The following SYT3 variants were observed in gnomAD, a reference collection of about 807,000 sequenced individuals.
The protein encoded by SYT3 is synaptotagmin 3, also known as synaptotagmin-3.
SYT3 carries 25 observed loss-of-function variants against 50.6 expected under a neutral mutation model. The observed-to-expected ratio is 0.49, with a 90% CI of 0.36 to 0.69. The LOEUF (loss-of-function observed/expected upper bound fraction) is 0.69, where lower values mean the gene tolerates loss of function less well. SYT3 is among the 30% of genes least tolerant of loss of function. SYT3 has a pLI of 0.00. For synonymous variants in SYT3, 323 were observed against 353.9 expected (o/e 0.91, Z 0.98); for missense variants, 589 against 793.6 (o/e 0.74, Z 3.10).
At chr19:50,623,754 G>T (rs941442799) in intron 9 of SYT3, among the ~76,000 whole-genome samples, 3 of 151,232 alleles carry the variant, frequency 2.0e-5, no homozygotes. Context: ...AGTGAGCCAA[G>T]ACTGCAACAC....
chr19:50,645,989 A>G, the SYT3 span, among the ~76,000 whole-genome samples: 2 of 152,172 alleles, frequency 1.3e-5, no homozygotes, highest in Non-Finnish European at 2.9e-5. Context: ...CACAGAGAGC[A>G]AATGGAGGCA....
chr19:50,651,202 T>C, the SYT3 span, among the ~76,000 whole-genome samples: 5 of 152,182 alleles, frequency 3.3e-5, no homozygotes, highest in African/African-American at 1.2e-4. Context: ...TAGCCTCCAA[T>C]GGCAATAAGC....
intron 6 of SYT3, 57 bp downstream of exon 6, chr19:50,629,237 A>C: frequency 7.0e-7 from 1 of 1,435,378 alleles, no homozygotes; most frequent in South Asian, 1.4e-5. Flanking sequence ...GGGGGCTTGC[A>C]ACCCGGGGGG....
the SYT3 span, chr19:50,656,336 T>A: frequency 1.3e-6 from 2 of 1,535,660 alleles, no homozygotes; most frequent in Non-Finnish European, 1.7e-6. Flanking sequence ...TGCCTCTGCA[T>A]GGAGACCTTG....
Position 50,634,572 on chromosome 19 carries a change from C to CTTTTTT in SYT3, c.149-1767_149-1762dup, listed in dbSNP as rs3028785. ...TCCTTCCCCCCTCCCTCTTGGGGTG[C>CTTTTTT]TTTTTTTTTTTTTTTTTTTTTTTTT... On this transcript the variant is annotated intron_variant, in intron 3 of 10. Transcript: ENST00000600079. 4.6e-4 allele frequency among the ~76,000 whole-genome samples: 34 copies of CTTTTTT among 74,238 alleles called. 2 individuals carry two copies. Among genetic ancestry groups the CTTTTTT allele is most frequent in the South Asian group, 5.7e-4 (1 of 1,748 alleles). The allele number at this position is 74,238 out of a possible 152,430, so 48.7% of individuals were successfully genotyped here. A position where few individuals can be genotyped will look rare whatever the true frequency, so the allele number is the denominator to read the frequency against.
intron 4 of SYT3, among the ~76,000 whole-genome samples, chr19:50,630,898 T>C (rs1271129063): frequency 6.6e-6 from 1 of 152,150 alleles, no homozygotes; most frequent in Non-Finnish European, 1.5e-5. Flanking sequence ...CTCTCCTCTC[T>C]ATCCCCACTG....
chr19:50,630,295 C>T (rs1345694304), intron 4 of SYT3, 124 bp from the exon 5 acceptor site: 10 of 984,806 alleles, frequency 1.0e-5, no homozygotes, highest in Admixed American at 9.1e-5. Context: ...CACAAGTCCC[C>T]TCCTTTGCTC....
chr19:50,625,140 T>C lies in SYT3; in HGVS notation c.1707+22A>G, dbSNP rs770338286. The C allele has an allele frequency of 1.3e-6, 2 of 1,537,588 alleles. No homozygotes were observed. The highest frequency in any genetic ancestry group is 4.6e-5 in the East Asian group (2 of 43,560). On this transcript the variant is annotated intron_variant, in intron 9 of 10. Coordinates refer to ENST00000600079, the MANE Select transcript of SYT3 (RefSeq NM_001160329.2). This position sits in a 1 kb window ranked among gnomAD's most constrained non-coding sequence, Gnocchi z 7.5. The stretch of plus-strand genomic sequence containing the variant: ...AGGGTGCACGGGTGCTTGTCAGGGG[T>C]CGGTGTGGGACCCCTACTCACCTCC...
At position 50,625,628 on chromosome 19, in the gene SYT3, C is replaced by T; in HGVS notation, c.1403-64G>A. ...CCTCAGACCTAGGGGTCCAGGACCC[C>T]AGGCCCCGAGCCCCTCCTCCCTCAG... On this transcript the variant is annotated intron_variant, in intron 7 of 10. Coordinates refer to ENST00000600079, the MANE Select transcript of SYT3 (RefSeq NM_001160329.2). The surrounding 1 kb of genome is among the most constrained non-coding windows in gnomAD (Gnocchi z 7.5). The T allele has an allele frequency of 6.7e-7, 1 of 1,494,628 alleles. No homozygotes were observed. The highest frequency in any genetic ancestry group is 8.9e-7 in the Non-Finnish European group (1 of 1,124,158). The allele number at this position is 1,494,628 out of a possible 1,614,324, so 92.6% of individuals were successfully genotyped here.
At chr19:50,647,445 G>A in the SYT3 span, among the ~76,000 whole-genome samples, 1 of 152,160 alleles carries the variant, frequency 6.6e-6, no homozygotes. Flanking sequence ...CAGCACTTTG[G>A]GAGGCTGAGG....
At chr19:50,650,603 A>G in the SYT3 span, among the ~76,000 whole-genome samples, 19 of 152,148 alleles carry the variant, frequency 1.2e-4, no homozygotes, top group Non-Finnish European at 2.1e-4. Context: ...CCCAGGAGGC[A>G]GAGGCTGCAG....
chr19:50,655,964 TG>T, the SYT3 span: 1 of 1,300,302 alleles, frequency 7.7e-7, no homozygotes, highest in Non-Finnish European at 1.1e-6. Context: ...GGGTGTGGCA[TG>T]GGCAAGCAAT....
chr19:50,625,681 C>A lies in SYT3; in HGVS notation c.1403-117G>T. The A allele has an allele frequency of 2.1e-6, 3 of 1,406,656 alleles. No homozygotes were observed. Among genetic ancestry groups the A allele is most frequent in the South Asian group, 1.4e-5 (1 of 69,024 alleles). The allele number at this position is 1,406,656 out of a possible 1,614,324, so 87.1% of individuals were successfully genotyped here. A position where few individuals can be genotyped will look rare whatever the true frequency, so the allele number is the denominator to read the frequency against. On this transcript the variant is annotated intron_variant, in intron 7 of 10. Transcript: ENST00000600079. This position sits in a 1 kb window ranked among gnomAD's most constrained non-coding sequence, Gnocchi z 7.5. The stretch of plus-strand genomic sequence containing the variant: ...CCAGAGGTCCGGGGCCCCAGGCCCC[C>A]AGTCCCTCCTTCCTCAGGCCCAAGA...
At position 50,639,442 on chromosome 19, in the gene SYT3, G is replaced by T. The variant is rs899750990; in HGVS notation, c.-153-280C>A. On this transcript the variant is annotated intron_variant, in intron 1 of 10. Transcript: ENST00000600079. The surrounding 1 kb of genome is among the most constrained non-coding windows in gnomAD (Gnocchi z 4.6). ...TTTTTTTTTTTTTTTTAAGGTTTTGGGGGGTTAAGATGCTGGGGTCCCAAG... is the reference window on the plus strand; with the variant it reads ...TTTTTTTTTTTTTTTTAAGGTTTTGTGGGGTTAAGATGCTGGGGTCCCAAG... 1.3e-5 allele frequency: 2 copies of T among 151,644 alleles called. No individual in the cohort carries two copies. Among genetic ancestry groups the T allele is most frequent in the African/African-American group, 4.8e-5 (2 of 41,272 alleles). The allele number at this position is 151,644 out of a possible 1,614,324, so 9.4% of individuals were successfully genotyped here. A position where few individuals can be genotyped will look rare whatever the true frequency, so the allele number is the denominator to read the frequency against.
At chr19:50,656,594 A>G in the SYT3 span, among the ~76,000 whole-genome samples, 1 of 152,068 alleles carries the variant, frequency 6.6e-6, no homozygotes, top group Admixed American at 6.6e-5. Context: ...GCAGGGAGGG[A>G]GGACAAAAGG....
At chr19:50,623,052 C>T (rs1431323170) in intron 9 of SYT3, among the ~76,000 whole-genome samples, 1 of 144,594 alleles carries the variant, frequency 6.9e-6, no homozygotes, top group African/African-American at 2.6e-5. Flanking sequence ...TGGGGAGCCA[C>T]GGGAGGGCTG....
chr19:50,641,168 A>ATT (rs566141853), upstream of SYT3, among the ~76,000 whole-genome samples: 33 of 60,240 alleles, frequency 5.5e-4, no homozygotes, highest in African/African-American at 1.0e-3. Flanking sequence ...GAGCCCAGGA[A>ATT]TTTTTTTTTT....
chr19:50,633,340 ATTTG>A (rs1157215310), intron 3 of SYT3, among the ~76,000 whole-genome samples: 6 of 152,178 alleles, frequency 3.9e-5, no homozygotes, highest in Non-Finnish European at 7.3e-5. Context: ...AGATTCAGTG[ATTTG>A]TTTAAGGTTT....
In SYT3 at chr19:50,635,014, C is replaced by T. The variant is rs563873132; in HGVS notation, c.149-2203G>A. On this transcript the variant is annotated intron_variant, in intron 3 of 10. Transcript: ENST00000600079. ...CAAGCTCCACCTCCTGGGTTGATGCCGTTCTCCTGCCTCAGCCTCCCAAGT... is the reference window on the plus strand; with the variant it reads ...CAAGCTCCACCTCCTGGGTTGATGCTGTTCTCCTGCCTCAGCCTCCCAAGT... 3.9e-5 allele frequency among the ~76,000 whole-genome samples: 6 copies of T among 152,152 alleles called. No individual in the cohort carries two copies. The South Asian group carries it at 6.2e-4, about 16-fold the overall frequency.
Sources: allele counts gnomAD v4.1 joint callset (sites outside exome capture counted in the v4.1 genomes callset), GRCh38; gene constraint gnomAD v4.1.1; non-coding constraint Gnocchi (gnomAD v3.1); transcripts MANE v1.5; gene names NCBI Gene and HGNC (gene_info 2026-07-23, HGNC 2026-07-21).